Variants in STX2 observed in about 807,000 individuals in gnomAD.
The protein encoded by STX2 is syntaxin 2.
In STX2, 27 loss-of-function variants were observed where a neutral mutation model predicts 40.6. The observed-to-expected ratio is 0.66, with a 90% CI of 0.49 to 0.92. STX2 has a LOEUF of 0.92. Among genes scored for constraint, STX2 ranks in the 40% least tolerant of loss-of-function variants. The probability of loss-of-function intolerance (pLI) is 0.00; values close to 1 mark genes in which losing one functional copy is unlikely to be tolerated. For missense variants in STX2, 328 were observed against 366.1 expected, an observed-to-expected ratio of 0.90 and a Z score of 0.85; for synonymous variants, 123 against 119.1, an observed-to-expected ratio of 1.03 and a Z score of -0.22.
At chr12:130,818,443 G>A (rs1434951255) in intron 3 of STX2, among the ~76,000 whole-genome samples, 2 of 151,880 alleles carry the variant, frequency 1.3e-5, no homozygotes, top group East Asian at 3.9e-4. Flanking sequence ...GCCACCACTA[G>A]CTCATTTCAC....
chr12:130,809,479 G>A (rs937063764), intron 4 of STX2, among the ~76,000 whole-genome samples: 3 of 152,214 alleles, frequency 2.0e-5, no homozygotes, highest in Middle Eastern at 3.4e-3. Context: ...AAACTTCAAA[G>A]AAAAAATAAA....
rs139930716 is a variant in STX2 at position 130,802,107 on chromosome 12, C to T, written c.464-619G>A. Among the ~76,000 whole-genome samples, 1,055 of 152,324 alleles carry T rather than the reference C, an allele frequency of 6.9e-3. 8 individuals are homozygous for T. Among genetic ancestry groups the T allele is most frequent in the African/African-American group, 0.024 (996 of 41,568 alleles). ...TGCCAAAAAGTGGAAACAACGCAAA[C>T]GTCCGTCCCCCGATGCCTGAAGGAG... On this transcript the variant is annotated intron_variant, in intron 6 of 10. Transcript: ENST00000392373.
chr12:130,829,046 G>A (rs1593186617), intron 1 of STX2, among the ~76,000 whole-genome samples: 1 of 151,996 alleles, frequency 6.6e-6, no homozygotes, highest in African/African-American at 2.4e-5. Flanking sequence ...GGGTCTGCAG[G>A]AGTCAGACCA....
chr12:130,818,142 G>C (rs1004196106), intron 3 of STX2, among the ~76,000 whole-genome samples: 1 of 133,018 alleles, frequency 7.5e-6, no homozygotes, highest in African/African-American at 3.1e-5. Context: ...ACAGGAGAGG[G>C]GTAACACAGT....
At chr12:130,829,669 T>C (rs4334059) in intron 1 of STX2, among the ~76,000 whole-genome samples, 94,792 of 152,154 alleles carry the variant, frequency 0.62, 30,294 homozygotes, top group East Asian at 0.88. Context: ...CACTTGGGCA[T>C]TAAATCCCAC....
rs1264311349 is a variant in STX2 at position 130,818,661 on chromosome 12, AGAC to A, written c.205+3025_205+3027del. Among the ~76,000 whole-genome samples, 52 of 35,134 alleles carry A rather than the reference AGAC, an allele frequency of 1.5e-3. 1 individual carries two copies. The highest frequency in any genetic ancestry group is 8.7e-4 in the Non-Finnish European group (7 of 8,088). 23.0% of individuals were successfully genotyped at this position (35,134 alleles called of 152,430 possible). On this transcript the variant is annotated intron_variant, in intron 3 of 10. Transcript: ENST00000392373. Reference sequence around the variant, plus strand: ...CGGGAGCAGGCGGCGCTGGAGATGGAGACGATGGAGACGGTGCAGACGGTGCAG... The same window carrying A: ...CGGGAGCAGGCGGCGCTGGAGATGGAGATGGAGACGGTGCAGACGGTGCAG...
intron 10 of STX2, among the ~76,000 whole-genome samples, chr12:130,795,275 C>T (rs967727249): frequency 6.6e-6 from 1 of 152,168 alleles, no homozygotes; most frequent in African/African-American, 2.4e-5. Flanking sequence ...GCCCTCGATT[C>T]CATAGTAAAA....
chr12:130,823,110 T>C (rs1409669221), intron 2 of STX2, among the ~76,000 whole-genome samples: 3 of 152,046 alleles, frequency 2.0e-5, no homozygotes, highest in Admixed American at 6.6e-5. Flanking sequence ...AAGACTAGCC[T>C]GGGCAACATA....
chr12:130,803,655 A>G (rs1201219199), intron 6 of STX2, among the ~76,000 whole-genome samples: 1 of 110,974 alleles, frequency 9.0e-6, no homozygotes, highest in Non-Finnish European at 1.7e-5. Context: ...TGACAGCGTG[A>G]GGCTCTCTCT....
chr12:130,815,794 C>T (rs1015627989), intron 3 of STX2, among the ~76,000 whole-genome samples: 1 of 152,154 alleles, frequency 6.6e-6, no homozygotes, highest in Non-Finnish European at 1.5e-5. Flanking sequence ...TGGTGTTGTG[C>T]CTGAGCCTGC....
intron 2 of STX2, among the ~76,000 whole-genome samples, chr12:130,823,816 C>G (rs915132685): frequency 6.6e-6 from 1 of 152,142 alleles, no homozygotes; most frequent in African/African-American, 2.4e-5. Flanking sequence ...AATAGATCTC[C>G]AAAAAATCGG....
chr12:130,821,735 T>C lies in STX2; in HGVS notation c.159A>G (p.Val53=). ...IDKITQYVEE[V]KKNHSIILSA... is the part of the protein sequence containing the mutation. ...AAAGAATGATGCTGTGGTTTTTCTT[T>C]ACTTCTTCAACATATTGAGTTATTT... The change falls in exon 3 of 11, where the codon GTA becomes GTG. Residue 53 remains valine, a synonymous_variant. Coordinates refer to ENST00000392373, the MANE Select transcript of STX2 (RefSeq NM_194356.4). 6.2e-7 allele frequency: 1 copy of C among 1,613,936 alleles called. No homozygotes were observed. The highest frequency in any genetic ancestry group is 1.6e-4 in the Middle Eastern group (1 of 6,062).
intron 3 of STX2, among the ~76,000 whole-genome samples, chr12:130,817,450 A>G (rs897551330): frequency 6.6e-6 from 1 of 152,190 alleles, no homozygotes; most frequent in African/African-American, 2.4e-5. Flanking sequence ...ACAAAAGAGG[A>G]GAGACAGAAA....
rs750207677 is a variant in STX2 at position 130,813,033 on chromosome 12, T to C, written c.206-2A>G. 1 of 1,483,884 alleles carries C rather than the reference T, an allele frequency of 6.7e-7. No homozygotes were observed. Among genetic ancestry groups the C allele is most frequent in the South Asian group, 1.4e-5 (1 of 72,830 alleles). 91.9% of individuals were successfully genotyped at this position (1,483,884 alleles called of 1,614,324 possible). ...GATCTTCAAGCTCTTCTTTTATTTC[T>C]ATAAAAATTTAAAATTAAAAAATAA... On this transcript the variant is annotated splice_acceptor_variant, in intron 3 of 10. Coordinates refer to ENST00000392373, the MANE Select transcript of STX2 (RefSeq NM_194356.4). LOFTEE classifies it high-confidence loss of function.
At chr12:130,808,776 C>T in intron 4 of STX2, 72 bp from the exon 5 acceptor site, 1 of 1,270,136 alleles carries the variant, frequency 7.9e-7, no homozygotes, top group Non-Finnish European at 1.1e-6. Flanking sequence ...CTTCAAATTC[C>T]TTTTATTTCT....
chr12:130,806,653 G>A (rs1376939549), intron 6 of STX2, among the ~76,000 whole-genome samples: 1 of 152,206 alleles, frequency 6.6e-6, no homozygotes, highest in Non-Finnish European at 1.5e-5. Flanking sequence ...GAGATGTGAG[G>A]AGCCATGAAG....
At chr12:130,816,185 C>T (rs1026974002) in intron 3 of STX2, among the ~76,000 whole-genome samples, 16 of 152,138 alleles carry the variant, frequency 1.1e-4, no homozygotes, top group Non-Finnish European at 1.9e-4. Context: ...GCCCAGCCAG[C>T]GCCTGAGCAC....
At chr12:130,808,536 G>T in intron 5 of STX2, 95 bp downstream of exon 5, 1 of 1,061,634 alleles carries the variant, frequency 9.4e-7, no homozygotes, top group South Asian at 1.5e-5. Context: ...GGATAAGCAT[G>T]ACAGTAAAGA....
chr12:130,820,963 T>A (rs1417339240), intron 3 of STX2, among the ~76,000 whole-genome samples: 1 of 152,322 alleles, frequency 6.6e-6, no homozygotes, highest in Non-Finnish European at 1.5e-5. Flanking sequence ...TTTCAATATT[T>A]ATCATTCCAG....
Sources: allele counts gnomAD v4.1 joint callset (sites outside exome capture counted in the v4.1 genomes callset), GRCh38; gene constraint gnomAD v4.1.1; transcripts MANE v1.5; gene names NCBI Gene and HGNC (gene_info 2026-07-23, HGNC 2026-07-21).